The following ATRNL1 variants were observed in gnomAD, a reference collection of about 807,000 sequenced individuals.
The protein encoded by ATRNL1 is attractin like 1.
Under a neutral mutation model 182.7 loss-of-function variants are expected in ATRNL1, and 95 were observed. The observed-to-expected ratio is 0.52, with a 90% CI of 0.44 to 0.62. ATRNL1 has a LOEUF of 0.62. ATRNL1 is among the 20% of genes least tolerant of loss of function. ATRNL1 has a pLI of 0.00. For missense variants in ATRNL1, 1,471 were observed against 1,679.5 expected, an observed-to-expected ratio of 0.88 and a Z score of 2.17; for synonymous variants, 576 against 568.3, an observed-to-expected ratio of 1.01 and a Z score of -0.19.
chr10:115,203,758 T>C (rs1554893087), intron 8 of ATRNL1, among the ~76,000 whole-genome samples: 7 of 115,890 alleles, frequency 6.0e-5, no homozygotes, highest in Non-Finnish European at 1.0e-4. Flanking sequence ...TTTTTTTTTT[T>C]TTTTTTTTTT....
intron 19 of ATRNL1, 74 bp downstream of exon 19, chr10:115,334,493 G>T: frequency 8.3e-7 from 1 of 1,204,366 alleles, no homozygotes; most frequent in Non-Finnish European, 1.1e-6. Flanking sequence ...CGCCTGTTGT[G>T]GAGAATATAT....
intron 26 of ATRNL1, among the ~76,000 whole-genome samples, chr10:115,638,866 A>C (rs1859056243): frequency 6.6e-6 from 1 of 152,206 alleles, no homozygotes; most frequent in Non-Finnish European, 1.5e-5. Context: ...CTGCAGATAA[A>C]ATAGAGTGAA....
At chr10:115,264,169 GTGT>G (rs1204214036) in intron 10 of ATRNL1, among the ~76,000 whole-genome samples, 1 of 151,404 alleles carries the variant, frequency 6.6e-6, no homozygotes, top group Non-Finnish European at 1.5e-5. Context: ...TGCCATGTTG[GTGT>G]TCAGCATCAT....
intron 26 of ATRNL1, among the ~76,000 whole-genome samples, chr10:115,724,996 T>G (rs1947549278): frequency 6.6e-6 from 1 of 152,186 alleles, no homozygotes; most frequent in Non-Finnish European, 1.5e-5. Context: ...CTAACTAGTC[T>G]TCTACTAGGT....
intron 13 of ATRNL1, among the ~76,000 whole-genome samples, chr10:115,269,296 T>C (rs368977001): frequency 6.6e-6 from 1 of 152,050 alleles, no homozygotes; most frequent in South Asian, 2.1e-4. Flanking sequence ...AAGGGAAAAA[T>C]TTTAAAAAGT....
chr10:115,914,422 G>A (rs1952781872), intron 28 of ATRNL1, among the ~76,000 whole-genome samples: 2 of 152,178 alleles, frequency 1.3e-5, no homozygotes, highest in South Asian at 4.1e-4. Context: ...TGACCAAAGA[G>A]CAGGGATTTG....
At position 115,235,095 on chromosome 10, in the gene ATRNL1, A is replaced by G. The variant is rs145629050; in HGVS notation, c.1533-6476A>G. Reference sequence around the variant, plus strand: ...GGAATAGTCATGATCTTTCATTTGAAGTCTGTGCCTCGTTTGGGTTTATCT... The same window carrying G: ...GGAATAGTCATGATCTTTCATTTGAGGTCTGTGCCTCGTTTGGGTTTATCT... On this transcript the variant is annotated intron_variant, in intron 9 of 28. Coordinates refer to ENST00000355044, the MANE Select transcript of ATRNL1 (RefSeq NM_207303.4). Among the ~76,000 whole-genome samples, 556 of 152,212 alleles carry G rather than the reference A, an allele frequency of 3.7e-3. 2 individuals carry two copies. Among genetic ancestry groups the G allele is most frequent in the African/African-American group, 0.013 (537 of 41,532 alleles).
chr10:115,484,767 A>T (rs1554974848), intron 24 of ATRNL1, among the ~76,000 whole-genome samples: 1 of 151,924 alleles, frequency 6.6e-6, no homozygotes, highest in African/African-American at 2.4e-5. Context: ...TTTACAGTTC[A>T]AAAATCTTTC....
At chr10:115,546,237 A>G (rs949628352) in intron 25 of ATRNL1, among the ~76,000 whole-genome samples, 2 of 152,108 alleles carry the variant, frequency 1.3e-5, no homozygotes, top group African/African-American at 2.4e-5. Context: ...CCCTTAGATC[A>G]TATCTAAAGT....
intron 26 of ATRNL1, among the ~76,000 whole-genome samples, chr10:115,711,805 A>G (rs1255180431): frequency 6.6e-6 from 1 of 152,204 alleles, no homozygotes; most frequent in African/African-American, 2.4e-5. Flanking sequence ...CTCTATGGCC[A>G]TATTAAATAA....
intron 27 of ATRNL1, among the ~76,000 whole-genome samples, chr10:115,817,804 T>G (rs1244666470): frequency 6.6e-6 from 1 of 151,798 alleles, no homozygotes; most frequent in Admixed American, 6.6e-5. Context: ...TGAGAGATAT[T>G]TTAATTGAGC....
intron 24 of ATRNL1, among the ~76,000 whole-genome samples, chr10:115,485,720 A>G (rs957242209): frequency 1.3e-5 from 2 of 151,986 alleles, no homozygotes; most frequent in African/African-American, 4.8e-5. Flanking sequence ...TGAATCTTCT[A>G]GTGTTACACA....
chr10:115,666,247 T>G (rs761580333), intron 26 of ATRNL1, among the ~76,000 whole-genome samples: 1 of 152,200 alleles, frequency 6.6e-6, no homozygotes, highest in Non-Finnish European at 1.5e-5. Context: ...TGAAAAACAC[T>G]GACTTACACT....
chr10:115,426,156 T>C (rs1245883656), intron 20 of ATRNL1, 94 bp from the exon 21 acceptor site: 1 of 887,292 alleles, frequency 1.1e-6, no homozygotes, highest in Non-Finnish European at 1.8e-6. Context: ...AAATATGTTT[T>C]GATGTAGAAT....
intron 26 of ATRNL1, among the ~76,000 whole-genome samples, chr10:115,642,453 T>A (rs1055673062): frequency 2.6e-5 from 4 of 151,270 alleles, no homozygotes; most frequent in Non-Finnish European, 5.9e-5. Flanking sequence ...TTTTTTTTCT[T>A]TTTTTTTGAG....
At chr10:115,481,685 T>C (rs1848777723) in intron 24 of ATRNL1, among the ~76,000 whole-genome samples, 1 of 150,862 alleles carries the variant, frequency 6.6e-6, no homozygotes, top group Admixed American at 6.6e-5. Context: ...ATTTATAAAA[T>C]ATTTACTGAG....
intron 26 of ATRNL1, among the ~76,000 whole-genome samples, chr10:115,610,474 G>A (rs191307913): frequency 1.3e-5 from 2 of 152,058 alleles, no homozygotes; most frequent in Admixed American, 6.6e-5. Context: ...TTTCTTGCTT[G>A]CACACTCCCC....
At chr10:115,617,227 G>A (rs1857479039) in intron 26 of ATRNL1, among the ~76,000 whole-genome samples, 1 of 152,164 alleles carries the variant, frequency 6.6e-6, no homozygotes, top group African/African-American at 2.4e-5. Context: ...TTTAATGACT[G>A]CCCTACTTGG....
chr10:115,435,134 G>A (rs1299084331), intron 21 of ATRNL1, among the ~76,000 whole-genome samples: 1 of 149,074 alleles, frequency 6.7e-6, no homozygotes, highest in Non-Finnish European at 1.5e-5. Flanking sequence ...CCATTCTCCT[G>A]CCTCCTGAGT....
Sources: allele counts gnomAD v4.1 joint callset (sites outside exome capture counted in the v4.1 genomes callset), GRCh38; gene constraint gnomAD v4.1.1; transcripts MANE v1.5; gene names NCBI Gene and HGNC (gene_info 2026-07-23, HGNC 2026-07-21).